The following CSMD2 variants were observed in gnomAD, a reference collection of about 807,000 sequenced individuals.
CSMD2 encodes CUB and sushi domain-containing protein 2.
In CSMD2, 130 loss-of-function variants were observed where a neutral mutation model predicts 398.5. The observed-to-expected ratio is 0.33, with a 90% CI of 0.28 to 0.38. The LOEUF (loss-of-function observed/expected upper bound fraction) is 0.38, where lower values mean the gene tolerates loss of function less well. CSMD2 is among the 10% of genes least tolerant of loss of function. The probability of loss-of-function intolerance (pLI) is 1.00; values close to 1 mark genes in which losing one functional copy is unlikely to be tolerated. For missense variants in CSMD2, 3,829 were observed against 4,764.9 expected, an observed-to-expected ratio of 0.80 and a Z score of 5.78; for synonymous variants, 1,828 against 1,908.5, an observed-to-expected ratio of 0.96 and a Z score of 1.10.
intron 53 of CSMD2, among the ~76,000 whole-genome samples, chr1:33,563,600 C>T (rs745413319): frequency 1.3e-5 from 2 of 152,126 alleles, no homozygotes; most frequent in African/African-American, 4.8e-5. Flanking sequence ...CCACTATACC[C>T]ACAGAAAACA....
At chr1:33,545,903 T>C in intron 57 of CSMD2, 134 bp downstream of exon 57, 1 of 736,482 alleles carries the variant, frequency 1.4e-6, no homozygotes, top group Non-Finnish European at 2.3e-6. Flanking sequence ...GTTGCAGTCC[T>C]ATCAGCCAGG....
At chr1:34,137,660 C>T (rs1040406193) in intron 1 of CSMD2, among the ~76,000 whole-genome samples, 6 of 152,284 alleles carry the variant, frequency 3.9e-5, no homozygotes, top group Middle Eastern at 3.4e-3. Flanking sequence ...CCAACCTGGC[C>T]CAACCTGGCT....
chr1:33,931,696 T>G (rs1470351991), intron 4 of CSMD2, among the ~76,000 whole-genome samples: 1 of 152,132 alleles, frequency 6.6e-6, no homozygotes, highest in Non-Finnish European at 1.5e-5. Flanking sequence ...CTACTTAAAA[T>G]AAGTCTAAGA....
At chr1:34,153,940 C>T (rs1640565443) in intron 1 of CSMD2, among the ~76,000 whole-genome samples, 1 of 152,110 alleles carries the variant, frequency 6.6e-6, no homozygotes, top group African/African-American at 2.4e-5. Flanking sequence ...CTGCCATATG[C>T]CAAATAGATG....
Position 34,165,000 on chromosome 1 carries a change from C to T in CSMD2, c.98G>A (p.Gly33Glu). The T allele has an allele frequency of 8.3e-7, 1 of 1,207,936 alleles. No individual in the cohort carries two copies. Among genetic ancestry groups the T allele is most frequent in the Non-Finnish European group, 1.0e-6 (1 of 972,942 alleles). 74.8% of individuals were successfully genotyped at this position (1,207,936 alleles called of 1,614,324 possible). A position where few individuals can be genotyped will look rare whatever the true frequency, so the allele number is the denominator to read the frequency against. ...CGGCGGCGGGCGGCCCCAGCGGCTC[C>T]CGGCGCCCGGCACAAGCGCCGAAAT... Reference protein sequence around the residue: ...TGISALVPGAGSRWGRPPPPT... With the variant: ...TGISALVPGAESRWGRPPPPT... Residue 33 changes from glycine (G) to glutamate (E), a missense_variant, in exon 1 of 71, where the codon GGG becomes GAG. This residue lies in a region of CSMD2 where 184 missense variants were observed against 217.7 expected (regional missense o/e 0.85). Coordinates refer to ENST00000373381, the MANE Select transcript of CSMD2 (RefSeq NM_001281956.2). The surrounding 1 kb of genome is among the most constrained non-coding windows in gnomAD (Gnocchi z 6.2).
intron 64 of CSMD2, among the ~76,000 whole-genome samples, chr1:33,531,036 A>T (rs1399987031): frequency 6.6e-6 from 1 of 152,226 alleles, no homozygotes; most frequent in Non-Finnish European, 1.5e-5. Flanking sequence ...GATCTCTTGT[A>T]CATCATGGTG....
At chr1:33,549,976 A>G (rs1206992778) in intron 56 of CSMD2, among the ~76,000 whole-genome samples, 1 of 152,182 alleles carries the variant, frequency 6.6e-6, no homozygotes, top group Non-Finnish European at 1.5e-5. Flanking sequence ...CTGAGGGGAT[A>G]AGGCAGGGCT....
intron 1 of CSMD2, among the ~76,000 whole-genome samples, chr1:34,099,455 C>T (rs534046000): frequency 1.3e-3 from 198 of 152,348 alleles, no homozygotes; most frequent in African/African-American, 4.6e-3. Flanking sequence ...AATGAAATAT[C>T]AACATTCACC....
chr1:33,692,477 C>A (rs1645272359), intron 25 of CSMD2, among the ~76,000 whole-genome samples: 1 of 152,218 alleles, frequency 6.6e-6, no homozygotes, highest in Non-Finnish European at 1.5e-5. Flanking sequence ...ACCACAGCAA[C>A]TGTTATTAAA....
In CSMD2 at chr1:33,971,345, A is replaced by G. The variant is rs190593835; in HGVS notation, c.518-35391T>C. ...GAGCCAGTGTGGCGGCTTCATGGAA[A>G]TGCATGCCCGCGACCAATCTTCCTC... On this transcript the variant is annotated intron_variant, in intron 3 of 70. Coordinates refer to ENST00000373381, the MANE Select transcript of CSMD2 (RefSeq NM_001281956.2). Among the ~76,000 whole-genome samples, 456 of 152,316 alleles carry G rather than the reference A, an allele frequency of 3.0e-3. 3 individuals carry two copies. Among genetic ancestry groups the G allele is most frequent in the Middle Eastern group, 0.01 (3 of 294 alleles).
intron 3 of CSMD2, among the ~76,000 whole-genome samples, chr1:33,999,796 A>T (rs79698853): frequency 0.011 from 1,724 of 152,300 alleles, 59 homozygotes; most frequent in East Asian, 0.11. Context: ...ACTCCAAGAT[A>T]TTCATCATAG....
chr1:34,068,149 C>G (rs1449784848), intron 2 of CSMD2, among the ~76,000 whole-genome samples: 1 of 152,180 alleles, frequency 6.6e-6, no homozygotes, highest in Non-Finnish European at 1.5e-5. Flanking sequence ...CTTATGTCAG[C>G]TTTTGACAAC....
chr1:33,829,718 G>T (rs573553166), intron 6 of CSMD2, among the ~76,000 whole-genome samples: 1 of 152,210 alleles, frequency 6.6e-6, no homozygotes, highest in Non-Finnish European at 1.5e-5. Flanking sequence ...TGCCTCACTC[G>T]GGAAGTGCAA....
At chr1:34,092,880 A>G (rs10465523) in intron 1 of CSMD2, among the ~76,000 whole-genome samples, 56,100 of 144,716 alleles carry the variant, frequency 0.39, 10,348 homozygotes, top group African/African-American at 0.52. Context: ...AAGCAGCCGG[A>G]AAGCTCGAAC....
At chr1:33,663,739 T>C (rs1208506166) in intron 25 of CSMD2, among the ~76,000 whole-genome samples, 1 of 152,208 alleles carries the variant, frequency 6.6e-6, no homozygotes, top group African/African-American at 2.4e-5. Flanking sequence ...GGAGCTCAAG[T>C]AGTAACCTGA....
At chr1:33,961,678 ATGAG>A (rs1299599902) in intron 3 of CSMD2, among the ~76,000 whole-genome samples, 1 of 152,142 alleles carries the variant, frequency 6.6e-6, no homozygotes. Context: ...CCTGGCAGTA[ATGAG>A]TGAGTTCTCA....
At position 34,163,046 on chromosome 1, in the gene CSMD2, G is replaced by A. The variant is rs911210390; in HGVS notation, c.187+1865C>T. On this transcript the variant is annotated intron_variant, in intron 1 of 70. Transcript: ENST00000373381. The surrounding 1 kb of genome is among the most constrained non-coding windows in gnomAD (Gnocchi z 5.4). Reference sequence around the variant, plus strand: ...TATAGGGCAGGATTCCAGCACCGCTGAGCGGTGCAAGCGCCGGTGAGTCGG... The same window carrying A: ...TATAGGGCAGGATTCCAGCACCGCTAAGCGGTGCAAGCGCCGGTGAGTCGG... Among the ~76,000 whole-genome samples, 1 of 152,218 alleles carries A rather than the reference G, an allele frequency of 6.6e-6. No individual in the cohort carries two copies. Among genetic ancestry groups the A allele is most frequent in the African/African-American group, 2.4e-5 (1 of 41,470 alleles).
intron 10 of CSMD2, chr1:33,805,008 G>A (rs917886138): frequency 9.8e-5 from 64 of 650,692 alleles, no homozygotes; most frequent in South Asian, 4.7e-4. Context: ...CACTCTAAGC[G>A]GTGCTCTGCA....
chr1:33,764,551 G>C (rs1348633062), intron 13 of CSMD2, among the ~76,000 whole-genome samples: 1 of 152,180 alleles, frequency 6.6e-6, no homozygotes, highest in African/African-American at 2.4e-5. Flanking sequence ...GACTTCCTAA[G>C]TTCCCTGTTT....
Sources: gnomAD v4.1 joint callset for allele counts (sites outside exome capture counted in the v4.1 genomes callset) on GRCh38, gnomAD v4.1.1 for gene constraint, gnomAD v4.1.1 regional missense constraint, Gnocchi (gnomAD v3.1) non-coding constraint, MANE v1.5 for transcripts, NCBI Gene and HGNC (gene_info 2026-07-23, HGNC 2026-07-21) for gene names.